The following CLUH variants were observed in gnomAD, a reference collection of about 807,000 sequenced individuals.
The protein encoded by CLUH is clustered mitochondria protein homolog.
In CLUH, 77 loss-of-function variants were observed where a neutral mutation model predicts 139.3. The ratio of observed to expected loss-of-function variants is 0.55; its 90% CI spans 0.46 to 0.67. The LOEUF (loss-of-function observed/expected upper bound fraction) is 0.67, where lower values mean the gene tolerates loss of function less well. Among genes scored for constraint, CLUH ranks in the 30% least tolerant of loss-of-function variants. The probability of loss-of-function intolerance (pLI) is 0.00; values close to 1 mark genes in which losing one functional copy is unlikely to be tolerated. For synonymous variants in CLUH, 999 were observed against 801.6 expected, an observed-to-expected ratio of 1.25 and a Z score of -4.16; for missense variants, 1,876 against 1,875.8, an observed-to-expected ratio of 1.00 and a Z score of 0.00.
rs1192040465 is a variant in CLUH, at chr17:2,692,082, G to A, written c.3576C>T (p.Ala1192=). 11 of 1,603,378 alleles carry A rather than the reference G, an allele frequency of 6.9e-6. No individual in the cohort carries two copies. The South Asian group carries it at 1.2e-4, about 18-fold the overall frequency. The part of the protein sequence containing the change: ...LKVALSHHLV[A]RVYESKAEFR... ...ACTCAGCTTTGCTCTCGTAGACTCG[G>A]GCGACAAGGTGGTGGCTGCCGGGAG... The change falls in exon 23 of 26, where the codon GCC becomes GCT. Residue 1192 remains alanine, a synonymous_variant. Coordinates refer to ENST00000651024, the MANE Select transcript of CLUH (RefSeq NM_001366661.1).
At chr17:2,693,688 C>T (rs1220807053) in intron 19 of CLUH, among the ~76,000 whole-genome samples, 3 of 152,180 alleles carry the variant, frequency 2.0e-5, no homozygotes, top group African/African-American at 7.2e-5. Context: ...CCTGCCATCG[C>T]CTCCCAGAAC....
chr17:2,701,159 C>G lies in CLUH; in HGVS notation c.1006G>C (p.Ala336Pro), dbSNP rs371156312. ...QISPTFKKNF[A>P]VLQKKRVQRH... is the part of the protein sequence containing the mutation. ...CACTACCTTTTCTTCTGCAGCACAG[C>G]GAAGTTCTTCTTGAAGGTCGGGCTG... The change falls in exon 7 of 26, where the codon GCT becomes CCT. Residue 336 changes from alanine to proline, a missense_variant. Physicochemically the swap from Ala to Pro is conservative, Grantham distance 27 (BLOSUM62 -1). Transcript: ENST00000651024. The G allele has an allele frequency of 3.7e-6, 6 of 1,613,950 alleles. No homozygotes were observed. The highest frequency in any genetic ancestry group is 5.1e-6 in the Non-Finnish European group (6 of 1,179,884).
chr17:2,698,424 C>G lies in CLUH; in HGVS notation c.1433G>C (p.Gly478Ala), dbSNP rs767767257. The change falls in exon 10 of 26, where the codon GGG becomes GCG. Residue 478 changes from glycine (G) to alanine (A), a missense_variant. Gly to Ala is a moderately conservative substitution (Grantham distance 60). Coordinates refer to ENST00000651024, the MANE Select transcript of CLUH (RefSeq NM_001366661.1). ...CGCCACGTAGGCCGCCACGTCCCCC[C>G]CGAAGTCCTTGTAGTGGTCTCGGAC... ...FDVRDHYKDFGGDVAAYVAPT... is the reference protein window; with the variant it reads ...FDVRDHYKDFAGDVAAYVAPT... 3 of 1,613,286 alleles carry G rather than the reference C, an allele frequency of 1.9e-6. No individual in the cohort carries two copies. Among genetic ancestry groups the G allele is most frequent in the Admixed American group, 3.3e-5 (2 of 60,008 alleles).
At chr17:2,694,771 CAGGCCTTAGACGCCATCTGGGAGCA>C in intron 16 of CLUH, 61 bp downstream of exon 16, 1 of 1,436,882 alleles carries the variant, frequency 7.0e-7, no homozygotes, top group South Asian at 1.5e-5. Flanking sequence ...CCTATGACCA[CAGGCCTTAGACGCCATCTGGGAGCA>C]GGTGGTGGCC....
chr17:2,692,285 T>A, intron 22 of CLUH, 76 bp downstream of exon 22: 1 of 1,468,156 alleles, frequency 6.8e-7, no homozygotes, highest in Non-Finnish European at 9.0e-7. Context: ...ACAGGAGCAC[T>A]GGGTCTCTTC....
At chr17:2,697,607 G>C (rs1280250717) in intron 10 of CLUH, among the ~76,000 whole-genome samples, 1 of 152,164 alleles carries the variant, frequency 6.6e-6, no homozygotes, top group East Asian at 1.9e-4. Flanking sequence ...GCCCGCCCCA[G>C]CACGGGGACA....
In CLUH at chr17:2,691,967, G is replaced by C. The variant is rs1473865276; in HGVS notation, c.3654+37C>G. 1.1e-3 allele frequency: 834 copies of C among 728,430 alleles called. 8 individuals carry two copies. Among genetic ancestry groups the C allele is most frequent in the African/African-American group, 6.4e-3 (183 of 28,756 alleles). The allele number at this position is 728,430 out of a possible 1,614,324, so 45.1% of individuals were successfully genotyped here. On this transcript the variant is annotated intron_variant, in intron 23 of 25. Coordinates refer to ENST00000651024, the MANE Select transcript of CLUH (RefSeq NM_001366661.1). ...CCCGCCCCCGCCCCGCCACGCCCCC[G>C]CCCCGCCCCCGCCCCCGCCACGCCC...
Position 2,692,080 on chromosome 17 carries a change from CG to C in CLUH, c.3577del (p.Arg1193GlufsTer44), listed in dbSNP as rs1567576536. 8.7e-6 allele frequency: 14 copies of C among 1,603,206 alleles called. No individual in the cohort carries two copies. Among genetic ancestry groups the C allele is most frequent in the Non-Finnish European group, 1.2e-5 (14 of 1,175,814 alleles). ...GAACTCAGCTTTGCTCTCGTAGACT[CG>C]GGCGACAAGGTGGTGGCTGCCGGGA... ...KVALSHHLVA[R>X]VYESKAEFRS... is the part of the protein sequence containing the mutation. On this transcript the variant is annotated frameshift_variant, in exon 23 of 26. Coordinates refer to ENST00000651024, the MANE Select transcript of CLUH (RefSeq NM_001366661.1). LOFTEE classifies it high-confidence loss of function.
chr17:2,691,424 A>T lies in CLUH; in HGVS notation c.3863+185T>A, dbSNP rs1203359412. On this transcript the variant is annotated intron_variant, in intron 25 of 25. Transcript: ENST00000651024. Reference sequence around the variant, plus strand: ...TACAAACACAAAAATGAGCCGGGCGAGGTGGCGGACACCTGTAATCCCAGC... The same window carrying T: ...TACAAACACAAAAATGAGCCGGGCGTGGTGGCGGACACCTGTAATCCCAGC... 1.7e-5 allele frequency: 10 copies of T among 602,606 alleles called. No individual in the cohort carries two copies. In the East Asian group the frequency reaches 2.0e-4, roughly 12 times the overall value. The allele number at this position is 602,606 out of a possible 1,614,324, so 37.3% of individuals were successfully genotyped here. A position where few individuals can be genotyped will look rare whatever the true frequency, so the allele number is the denominator to read the frequency against.
chr17:2,698,227 C>G lies in CLUH; in HGVS notation c.1630G>C (p.Asp544His). The G allele has an allele frequency of 6.3e-7, 1 of 1,591,440 alleles. No individual in the cohort carries two copies. The highest frequency in any genetic ancestry group is 8.5e-7 in the Non-Finnish European group (1 of 1,169,932). Residue 544 changes from aspartate to histidine, a missense_variant, in exon 10 of 26, where the codon GAC becomes CAC. Asp to His is a moderately conservative substitution (Grantham distance 81, BLOSUM62 -1). This residue lies in a region of CLUH where 1,454 missense variants were observed against 1,384.4 expected (regional missense o/e 1.05). Coordinates refer to ENST00000651024, the MANE Select transcript of CLUH (RefSeq NM_001366661.1). ...QEQSVIYGSI[D>H]FGKTVVSHPR... ...TGTGACACCACGGTCTTGCCGAAGTCGATGGAGCCGTAGATGACGCTCTGC... is the reference window on the plus strand; with the variant it reads ...TGTGACACCACGGTCTTGCCGAAGTGGATGGAGCCGTAGATGACGCTCTGC...
rs938648813 is a variant in CLUH at position 2,706,178 on chromosome 17, G to A, written c.101-1614C>T. Among the ~76,000 whole-genome samples the A allele has an allele frequency of 2.6e-5, 4 of 152,086 alleles. No homozygotes were observed. The highest frequency in any genetic ancestry group is 6.6e-5 in the Admixed American group (1 of 15,256). Reference sequence around the variant, plus strand: ...TCCCAGAACTGTGTGGTCCCAATCCGGACCCACCAGAAACACGGAGCAGGA... The same window carrying A: ...TCCCAGAACTGTGTGGTCCCAATCCAGACCCACCAGAAACACGGAGCAGGA... On this transcript the variant is annotated intron_variant, in intron 1 of 25. Transcript: ENST00000651024. The surrounding 1 kb of genome is among the most constrained non-coding windows in gnomAD (Gnocchi z 4.6).
At position 2,690,452 on chromosome 17, in the gene CLUH, A is replaced by G. The variant is rs2151685242; in HGVS notation, c.*142T>C. 1.4e-6 allele frequency: 1 copy of G among 690,228 alleles called. No homozygotes were observed. The highest frequency in any genetic ancestry group is 3.4e-5 in the East Asian group (1 of 29,240). The allele number at this position is 690,228 out of a possible 1,614,324, so 42.8% of individuals were successfully genotyped here. On this transcript the variant is annotated 3_prime_UTR_variant, in exon 26 of 26. Transcript: ENST00000651024. ...TGCGGGGCAGGCAGGCCAGGCTCCC[A>G]GGAGGACACGGGGGTGGGGTGGGGT...
At chr17:2,705,987 A>G (rs906928770) in intron 1 of CLUH, among the ~76,000 whole-genome samples, 2 of 152,140 alleles carry the variant, frequency 1.3e-5, no homozygotes, top group African/African-American at 4.8e-5. Context: ...GGATCTGTCC[A>G]TGGGCCAGGC....
Position 2,693,934 on chromosome 17 carries a change from G to T in CLUH, c.3197C>A (p.Ala1066Asp). The change falls in exon 19 of 26, where the codon GCC (alanine) becomes GAC (aspartate). Residue 1066 changes from alanine to aspartate, a missense_variant. Around this residue, in one of 3 missense-constraint regions of CLUH, gnomAD observed 1,454 missense variants for 1,384.4 expected, o/e 1.05. Transcript: ENST00000651024. ...GTCGCCCATGATGTAGTGGAGGCGG[G>T]CGAGGAGGCGCAGGCAGGCGCAGGT... is the stretch of plus-strand genomic sequence containing the variant. ...VETCACLRLL[A>D]RLHYIMGDYA... 6.2e-7 allele frequency: 1 copy of T among 1,613,630 alleles called. No individual in the cohort carries two copies. Among genetic ancestry groups the T allele is most frequent in the South Asian group, 1.1e-5 (1 of 91,066 alleles).
rs568653932 is a variant in CLUH, at chr17:2,697,059, C to A, written c.1962-117G>T. The A allele has an allele frequency of 6.5e-6, 5 of 764,948 alleles. No homozygotes were observed. The South Asian group carries it at 7.6e-5, about 12-fold the overall frequency. The allele number at this position is 764,948 out of a possible 1,614,324, so 47.4% of individuals were successfully genotyped here. ...CCCGCAGGCATAGGGCACCTCCTGG[C>A]CGGTGTGCATGAGTCAACGCAGAAA... On this transcript the variant is annotated intron_variant, in intron 10 of 25. Transcript: ENST00000651024.
intron 25 of CLUH, among the ~76,000 whole-genome samples, chr17:2,691,130 GCC>G (rs10711177): frequency 1.1e-4 from 16 of 150,720 alleles, no homozygotes; most frequent in East Asian, 1.0e-3. Flanking sequence ...CTGCTCCTCA[GCC>G]CCCCCCCGCC....
intron 10 of CLUH, among the ~76,000 whole-genome samples, chr17:2,697,580 C>T (rs1374142063): frequency 2.0e-5 from 3 of 152,130 alleles, no homozygotes; most frequent in Non-Finnish European, 4.4e-5. Flanking sequence ...GCGGCGGGGA[C>T]CCCCGGTGCC....
Position 2,694,520 on chromosome 17 carries a change from A to G in CLUH, c.2897T>C (p.Ile966Thr). 1 of 1,584,280 alleles carries G rather than the reference A, an allele frequency of 6.3e-7. No homozygotes were observed. Among genetic ancestry groups the G allele is most frequent in the Non-Finnish European group, 8.6e-7 (1 of 1,165,756 alleles). ...CAGCGAGATCTCCCGCAGGAGCGTT[A>G]TCTTCTGCAGGCCGTAGGTCTCCAC... Reference protein sequence around the residue: ...QAVETYGLQKITLLREISLKT... With the variant: ...QAVETYGLQKTTLLREISLKT... The change falls in exon 17 of 26, where the codon ATA becomes ACA. Residue 966 changes from isoleucine to threonine, a missense_variant. Physicochemically the swap from Ile to Thr is moderately conservative, Grantham distance 89. This residue lies in a region of CLUH where 1,454 missense variants were observed against 1,384.4 expected (regional missense o/e 1.05). Coordinates refer to ENST00000651024, the MANE Select transcript of CLUH (RefSeq NM_001366661.1).
chr17:2,693,346 A>T (rs892965172), intron 19 of CLUH, among the ~76,000 whole-genome samples: 35 of 152,178 alleles, frequency 2.3e-4, no homozygotes, highest in Non-Finnish European at 8.8e-5. Context: ...CAGGGAGTCG[A>T]TATCACGCCA....
Sources: allele counts gnomAD v4.1 joint callset (sites outside exome capture counted in the v4.1 genomes callset), GRCh38; gene constraint gnomAD v4.1.1; regional missense constraint gnomAD v4.1.1; non-coding constraint Gnocchi (gnomAD v3.1); transcripts MANE v1.5; gene names NCBI Gene and HGNC (gene_info 2026-07-23, HGNC 2026-07-21).